PRDM16: variants seen among roughly 807,000 people sequenced by gnomAD.
PRDM16 encodes histone-lysine N-methyltransferase PRDM16.
Under a neutral mutation model 110.6 loss-of-function variants are expected in PRDM16, and 23 were observed. The ratio of observed to expected loss-of-function variants is 0.21; its 90% confidence interval spans 0.15 to 0.29. PRDM16 has a LOEUF of 0.29. Ranked by LOEUF, PRDM16 falls within the 10% of genes least tolerant of loss-of-function variation. The pLI is 1.00. For missense variants in PRDM16, 1,615 were observed against 1,794.3 expected, an observed-to-expected ratio of 0.90 and a Z score of 1.81; for synonymous variants, 799 against 781.8, an observed-to-expected ratio of 1.02 and a Z score of -0.37.
Position 3,433,952 on chromosome 1 carries a change from TTTTCCAATGGAAAC to T in PRDM16, c.*143_*156del. 1.2e-6 allele frequency: 1 copy of T among 833,196 alleles called. No individual in the cohort carries two copies. The highest frequency in any genetic ancestry group is 1.8e-6 in the Non-Finnish European group (1 of 548,100). 51.6% of individuals were successfully genotyped at this position (833,196 alleles called of 1,614,324 possible). ...CCCACCCACCATGGTTCATTCCGAC[TTTTCCAATGGAAAC>T]TCAGATCCCAAAAGTCCCTAAAGCA... On this transcript the variant is annotated 3_prime_UTR_variant, in exon 17 of 17. Transcript: ENST00000270722.
intron 3 of PRDM16, among the ~76,000 whole-genome samples, chr1:3,380,524 C>T (rs1464935301): frequency 2.0e-5 from 3 of 152,098 alleles, no homozygotes; most frequent in South Asian, 4.1e-4. Context: ...AGCGTGTACT[C>T]GGGACCAGGA....
intron 3 of PRDM16, among the ~76,000 whole-genome samples, chr1:3,279,336 C>G (rs971709167): frequency 6.6e-6 from 1 of 152,190 alleles, no homozygotes; most frequent in African/African-American, 2.4e-5. Flanking sequence ...GTTCTCCCCT[C>G]AGATCTGAAA....
chr1:3,144,270 C>T (rs1643604581), intron 1 of PRDM16, among the ~76,000 whole-genome samples: 1 of 152,206 alleles, frequency 6.6e-6, no homozygotes. Context: ...CATGGACAAC[C>T]TGGGTCCCTG....
At chr1:3,191,537 G>A (rs974826114) in intron 2 of PRDM16, among the ~76,000 whole-genome samples, 14 of 152,198 alleles carry the variant, frequency 9.2e-5, no homozygotes, top group Admixed American at 9.2e-4. Flanking sequence ...GAGAAGATGA[G>A]AAATGTCCTC....
intron 3 of PRDM16, among the ~76,000 whole-genome samples, chr1:3,373,648 C>A (rs897831529): frequency 6.6e-6 from 1 of 152,202 alleles, no homozygotes; most frequent in South Asian, 2.1e-4. Context: ...AGGACAGACG[C>A]GGGACCTGGA....
At chr1:3,116,386 C>A (rs1001968270) in intron 1 of PRDM16, among the ~76,000 whole-genome samples, 1 of 152,148 alleles carries the variant, frequency 6.6e-6, no homozygotes, top group Non-Finnish European at 1.5e-5. Context: ...CGCGGGTTCA[C>A]GGGTGGCCTG....
In PRDM16 at chr1:3,266,539, CG is replaced by C. The variant is rs545530997; in HGVS notation, c.438+22403del. 2.0e-4 allele frequency among the ~76,000 whole-genome samples: 31 copies of C among 152,276 alleles called. No homozygotes were observed. In the East Asian group the frequency reaches 4.8e-3, roughly 24 times the overall value. On this transcript the variant is annotated intron_variant, in intron 3 of 16. Transcript: ENST00000270722. Reference sequence around the variant, plus strand: ...AGGCATTGCTGCTCCGCTCCTCCGACGAGGAGAGGGCCCCAGGGGCAGGAGC... The same window carrying C: ...AGGCATTGCTGCTCCGCTCCTCCGACAGGAGAGGGCCCCAGGGGCAGGAGC...
In PRDM16 at chr1:3,209,495, A is replaced by C. The variant is rs1638830299; in HGVS notation, c.387+23021A>C. ...GGGACAGCCAGGGAGGCAGGAGGCC[A>C]GGCCTGGGTGTGGAATAGGCCTCGC... is the stretch of plus-strand genomic sequence containing the variant. On this transcript the variant is annotated intron_variant, in intron 2 of 16. Transcript: ENST00000270722. The surrounding 1 kb of genome is among the most constrained non-coding windows in gnomAD (Gnocchi z 4.6). 6.6e-6 allele frequency among the ~76,000 whole-genome samples: 1 copy of C among 152,164 alleles called. No individual in the cohort carries two copies. The highest frequency in any genetic ancestry group is 1.5e-5 in the Non-Finnish European group (1 of 68,014).
At chr1:3,369,205 A>G (rs1178119009) in intron 3 of PRDM16, among the ~76,000 whole-genome samples, 1 of 152,086 alleles carries the variant, frequency 6.6e-6, no homozygotes, top group Non-Finnish European at 1.5e-5. Flanking sequence ...TATTGAACTT[A>G]ATTGGTTCCA....
At chr1:3,267,712 C>T (rs1416735061) in intron 3 of PRDM16, among the ~76,000 whole-genome samples, 1 of 152,244 alleles carries the variant, frequency 6.6e-6, no homozygotes, top group East Asian at 1.9e-4. Flanking sequence ...ATTCCAGCCC[C>T]TGCCCCTCCT....
At chr1:3,101,662 G>A (rs2993492) in intron 1 of PRDM16, among the ~76,000 whole-genome samples, 25,954 of 152,190 alleles carry the variant, frequency 0.17, 2,408 homozygotes, top group East Asian at 0.3. Context: ...AGGCAGAGCC[G>A]GAAGCCACCA....
At chr1:3,219,824 C>T (rs1639113395) in intron 2 of PRDM16, among the ~76,000 whole-genome samples, 1 of 152,210 alleles carries the variant, frequency 6.6e-6, no homozygotes, top group African/African-American at 2.4e-5. Context: ...CGGGCGCTGT[C>T]TCCCCACCTC....
At chr1:3,096,167 C>A (rs1429891409) in intron 1 of PRDM16, among the ~76,000 whole-genome samples, 1 of 152,126 alleles carries the variant, frequency 6.6e-6, no homozygotes, top group Non-Finnish European at 1.5e-5. Flanking sequence ...GTGCTTTGAA[C>A]CCCCATGTGG....
intron 2 of PRDM16, among the ~76,000 whole-genome samples, chr1:3,225,573 T>TGTGTGTGTGTGTGTGC (rs1336272072): frequency 2.3e-5 from 3 of 129,804 alleles, no homozygotes; most frequent in African/African-American, 8.0e-5. Flanking sequence ...TGTGTGTGTG[T>TGTGTGTGTGTGTGTGC]GCGCGCGCGC....
chr1:3,409,794 G>C (rs1643642162), intron 8 of PRDM16, among the ~76,000 whole-genome samples: 1 of 146,976 alleles, frequency 6.8e-6, no homozygotes, highest in African/African-American at 2.5e-5. Context: ...TGTGGTGTGG[G>C]TGTGTGTGGT....
Position 3,340,950 on chromosome 1 carries a change from GC to G in PRDM16, c.439-44197del, listed in dbSNP as rs371974973. Among the ~76,000 whole-genome samples the G allele has an allele frequency of 6.8e-4, 104 of 152,276 alleles. 2 individuals are homozygous for G. In the East Asian group the frequency reaches 0.018, roughly 27 times the overall value. The stretch of plus-strand genomic sequence containing the variant: ...TCCTCCCTGGAGGAAGGGGAGCATG[GC>G]CCCCGTGAGCTGACCCCAGCGCACC... On this transcript the variant is annotated intron_variant, in intron 3 of 16. Transcript: ENST00000270722.
intron 1 of PRDM16, among the ~76,000 whole-genome samples, chr1:3,087,803 TGA>T (rs1455972387): frequency 6.6e-6 from 1 of 152,248 alleles, no homozygotes; most frequent in East Asian, 1.9e-4. Context: ...TTCACCACCT[TGA>T]GATGCCTTTG....
intron 3 of PRDM16, among the ~76,000 whole-genome samples, chr1:3,375,081 A>C (rs1177683106): frequency 6.6e-6 from 1 of 152,204 alleles, no homozygotes; most frequent in Admixed American, 6.5e-5. Flanking sequence ...GGAAAGCAGA[A>C]AAGAGGCTTT....
intron 3 of PRDM16, among the ~76,000 whole-genome samples, chr1:3,377,165 T>C (rs1046190007): frequency 6.6e-6 from 1 of 152,120 alleles, no homozygotes; most frequent in African/African-American, 2.4e-5. Flanking sequence ...GGGGTCAGGG[T>C]AAGGAGACCC....
Sources: allele counts gnomAD v4.1 joint callset (sites outside exome capture counted in the v4.1 genomes callset), GRCh38; gene constraint gnomAD v4.1.1; non-coding constraint Gnocchi (gnomAD v3.1); transcripts MANE v1.5; gene names NCBI Gene and HGNC (gene_info 2026-07-23, HGNC 2026-07-21).